Variants in SP2 observed in about 807,000 individuals in gnomAD.
SP2 encodes the protein Sp2 transcription factor.
Under a neutral mutation model 50.1 loss-of-function variants are expected in SP2, and 9 were observed. The observed-to-expected ratio is 0.18, with a 90% confidence interval of 0.11 to 0.31. SP2 has a LOEUF of 0.31. Among genes scored for constraint, SP2 ranks in the 10% least tolerant of loss-of-function variants. The probability of loss-of-function intolerance (pLI) is 1.00; values close to 1 mark genes in which losing one functional copy is unlikely to be tolerated. For synonymous variants in SP2, 313 were observed against 326.6 expected, an observed-to-expected ratio of 0.96 and a Z score of 0.45; for missense variants, 581 against 806.5, an observed-to-expected ratio of 0.72 and a Z score of 3.39.
Position 47,916,161 on chromosome 17 carries a change from C to G in SP2, c.90C>G (p.Ser30=). 1 of 1,601,078 alleles carries G rather than the reference C, an allele frequency of 6.2e-7. No individual in the cohort carries two copies. Among genetic ancestry groups the G allele is most frequent in the Admixed American group, 1.7e-5 (1 of 58,598 alleles). Residue 30 remains serine (S), a synonymous_variant, in exon 3 of 7, where the codon TCC becomes TCG. Transcript: ENST00000376741. This position sits in a 1 kb window ranked among gnomAD's most constrained non-coding sequence, Gnocchi z 4.7. ...LQPAASTTQD[S]QPSPLALLAA... Reference sequence around the variant, plus strand: ...TCTCTGCTGTTTTTTTGCAGGACTCCCAGCCATCTCCCTTAGCCCTGCTTG... The same window carrying G: ...TCTCTGCTGTTTTTTTGCAGGACTCGCAGCCATCTCCCTTAGCCCTGCTTG...
In SP2 at chr17:47,917,066, C is replaced by T; in HGVS notation, c.995C>T (p.Pro332Leu). The change falls in exon 3 of 7, where the codon CCC (proline) becomes CTC (leucine). Residue 332 changes from proline (P) to leucine (L), a missense_variant. This residue lies in a region of SP2 where 397 missense variants were observed against 491.0 expected (regional missense o/e 0.81). Coordinates refer to ENST00000376741, the MANE Select transcript of SP2 (RefSeq NM_003110.6). ...RVVQAASATL[P>L]TVPQKPSQNF... is the part of the protein sequence containing the mutation. ...GTGCAGGCGGCATCTGCCACCCTCC[C>T]CACTGTACCCCAGAAGCCCTCCCAG... 1 of 1,613,648 alleles carries T rather than the reference C, an allele frequency of 6.2e-7. No homozygotes were observed. The highest frequency in any genetic ancestry group is 8.5e-7 in the Non-Finnish European group (1 of 1,179,918).
intron 1 of SP2, among the ~76,000 whole-genome samples, chr17:47,914,425 C>T (rs552173038): frequency 1.2e-4 from 18 of 151,764 alleles, no homozygotes; most frequent in East Asian, 5.8e-4. Context: ...CTGGGGACAA[C>T]GGCCTTTGTG....
At chr17:47,903,331 A>G (rs1363738287) in intron 1 of SP2, among the ~76,000 whole-genome samples, 1 of 152,172 alleles carries the variant, frequency 6.6e-6, no homozygotes, top group African/African-American at 2.4e-5. Context: ...TTAGCCAGAG[A>G]CTAGCAAGTG....
intron 1 of SP2, among the ~76,000 whole-genome samples, chr17:47,910,281 T>C (rs1320796355): frequency 6.6e-6 from 1 of 152,118 alleles, no homozygotes; most frequent in African/African-American, 2.4e-5. Flanking sequence ...CAAAACAGAA[T>C]AGAAAAATAT....
chr17:47,896,315 C>T (rs374237930), intron 1 of SP2, 22 bp downstream of exon 1: 2 of 1,236,196 alleles, frequency 1.6e-6, no homozygotes. Context: ...CCGCTGCCGG[C>T]GGGGTCTTCC....
chr17:47,908,048 A>G (rs7207225), intron 1 of SP2, among the ~76,000 whole-genome samples: 51,211 of 152,028 alleles, frequency 0.34, 8,812 homozygotes, highest in East Asian at 0.52. Context: ...TGACGCTAGG[A>G]AAGATACTTG....
intron 1 of SP2, among the ~76,000 whole-genome samples, chr17:47,904,540 C>T (rs1373394705): frequency 1.3e-5 from 2 of 151,346 alleles, no homozygotes; most frequent in African/African-American, 4.9e-5. Context: ...AGGGTCATTG[C>T]CTGAGGCTGG....
At chr17:47,910,109 G>A (rs2034924255) in intron 1 of SP2, among the ~76,000 whole-genome samples, 1 of 152,178 alleles carries the variant, frequency 6.6e-6, no homozygotes, top group South Asian at 2.1e-4. Flanking sequence ...AAAGTGCTGG[G>A]ATTACAGGCG....
chr17:47,915,382 C>A lies in SP2; in HGVS notation c.78C>A (p.Thr26=), dbSNP rs770773332. The A allele has an allele frequency of 1.9e-6, 3 of 1,612,166 alleles. No homozygotes were observed. The South Asian group carries it at 3.3e-5, about 18-fold the overall frequency. Residue 26 remains threonine (T), a synonymous_variant, in exon 2 of 7, where the codon ACC becomes ACA. Transcript: ENST00000376741. ...PSDYLQPAAS[T]TQDSQPSPLA... Reference sequence around the variant, plus strand: ...ACTACCTGCAGCCTGCCGCCTCCACCACCCAGGCGAGTAGGCAGTGGGCTC... The same window carrying A: ...ACTACCTGCAGCCTGCCGCCTCCACAACCCAGGCGAGTAGGCAGTGGGCTC...
intron 1 of SP2, among the ~76,000 whole-genome samples, chr17:47,914,122 A>G (rs1268325106): frequency 6.6e-6 from 1 of 152,112 alleles, no homozygotes; most frequent in Non-Finnish European, 1.5e-5. Flanking sequence ...TGTAATCCCA[A>G]CACTTTGGGA....
intron 2 of SP2, among the ~76,000 whole-genome samples, chr17:47,915,700 C>G (rs536683754): frequency 6.6e-6 from 1 of 152,116 alleles, no homozygotes; most frequent in Admixed American, 6.5e-5. Flanking sequence ...TTACATGTTC[C>G]GAGTACTAAA....
chr17:47,915,252 A>C, intron 1 of SP2, 60 bp from the exon 2 acceptor site: 2 of 1,200,480 alleles, frequency 1.7e-6, no homozygotes, highest in South Asian at 2.7e-5. Context: ...ATCTGAGGCA[A>C]GTGGGCTTGC....
intron 3 of SP2, among the ~76,000 whole-genome samples, chr17:47,922,067 T>C (rs914306547): frequency 1.3e-5 from 2 of 152,178 alleles, no homozygotes; most frequent in Admixed American, 1.3e-4. Flanking sequence ...AGCACCACAG[T>C]GTTCCGTCTA....
At position 47,925,120 on chromosome 17, in the gene SP2, C is replaced by T. The variant is rs776647240; in HGVS notation, c.1547+27C>T. The T allele has an allele frequency of 4.4e-6, 7 of 1,577,200 alleles. No homozygotes were observed. In the African/African-American group the frequency reaches 6.7e-5, roughly 15 times the overall value. On this transcript the variant is annotated intron_variant, in intron 5 of 6. Transcript: ENST00000376741. ...TAATTCAAGGAGAAGGCCCAAGCCA[C>T]AAGGCTGGCCTGTGTTCCCCAAGCC...
chr17:47,916,408 G>A lies in SP2; in HGVS notation c.337G>A (p.Ala113Thr), dbSNP rs1365441521. The A allele has an allele frequency of 5.0e-6, 8 of 1,614,048 alleles. No individual in the cohort carries two copies. The highest frequency in any genetic ancestry group is 1.3e-5 in the African/African-American group (1 of 74,998). The stretch of plus-strand genomic sequence containing the variant: ...CTATCCTGGAGGGCAGCTGGTGTTC[G>A]CTATCCAGAATCCCACCATGATCAA... ...ASYPGGQLVFAIQNPTMINKG... is the reference protein window; with the variant it reads ...ASYPGGQLVFTIQNPTMINKG... The change falls in exon 3 of 7, where the codon GCT (alanine) becomes ACT (threonine). Residue 113 changes from alanine (A) to threonine (T), a missense_variant. Around this residue, in one of 2 missense-constraint regions of SP2, gnomAD observed 397 missense variants for 491.0 expected, o/e 0.81. Transcript: ENST00000376741. This position sits in a 1 kb window ranked among gnomAD's most constrained non-coding sequence, Gnocchi z 4.7.
chr17:47,912,352 G>T (rs747014978), intron 1 of SP2, among the ~76,000 whole-genome samples: 9 of 151,916 alleles, frequency 5.9e-5, no homozygotes, highest in Admixed American at 1.3e-4. Flanking sequence ...AGTATAGTTT[G>T]TGTGGACTTC....
chr17:47,912,981 T>G (rs1274158877), intron 1 of SP2, among the ~76,000 whole-genome samples: 1 of 151,870 alleles, frequency 6.6e-6, no homozygotes, highest in Non-Finnish European at 1.5e-5. Flanking sequence ...TGCCTCAGCC[T>G]CCTGTGTAGC....
At chr17:47,927,665 T>A in intron 6 of SP2, 59 bp from the exon 7 acceptor site, 1 of 1,219,718 alleles carries the variant, frequency 8.2e-7, no homozygotes, top group South Asian at 1.3e-5. Context: ...CCCACCTTTT[T>A]GGGCAGAGAC....
At chr17:47,921,222 T>C (rs893038506) in intron 3 of SP2, among the ~76,000 whole-genome samples, 2 of 152,218 alleles carry the variant, frequency 1.3e-5, no homozygotes, top group Admixed American at 6.5e-5. Context: ...CATTTATTTA[T>C]TTATGTCATT....
Sources: gnomAD v4.1 joint callset for allele counts (sites outside exome capture counted in the v4.1 genomes callset) on GRCh38, gnomAD v4.1.1 for gene constraint, gnomAD v4.1.1 regional missense constraint, Gnocchi (gnomAD v3.1) non-coding constraint, MANE v1.5 for transcripts, NCBI Gene and HGNC (gene_info 2026-07-23, HGNC 2026-07-21) for gene names.